The following MAGI1 variants were observed in gnomAD, a reference collection of about 807,000 sequenced individuals.
The protein encoded by MAGI1 is membrane-associated guanylate kinase, WW and PDZ domain-containing protein 1.
MAGI1 carries 58 observed loss-of-function variants against 139.9 expected under a neutral mutation model. That is an observed-to-expected ratio of 0.41 (90% CI 0.34 to 0.52). The LOEUF is 0.52. MAGI1 is among the 20% of genes least tolerant of loss of function. The pLI, the probability that MAGI1 is intolerant of heterozygous loss-of-function variation, is 0.12. For synonymous variants in MAGI1, 812 were observed against 737.9 expected, an observed-to-expected ratio of 1.10 and a Z score of -1.63; for missense variants, 1,874 against 1,901.6, an observed-to-expected ratio of 0.99 and a Z score of 0.27.
At chr3:65,815,552 C>A (rs1164014635) in intron 1 of MAGI1, among the ~76,000 whole-genome samples, 3 of 152,096 alleles carry the variant, frequency 2.0e-5, no homozygotes, top group African/African-American at 7.2e-5. Context: ...AGTTCCCTAA[C>A]AGGCAGAGCA....
At chr3:65,476,777 AT>A (rs1950915566) in intron 4 of MAGI1, among the ~76,000 whole-genome samples, 1 of 102,290 alleles carries the variant, frequency 9.8e-6, no homozygotes, top group African/African-American at 2.8e-5. Context: ...GCATTAAAGT[AT>A]GAGATTTTTT....
At chr3:65,418,768 C>A (rs541037925) in intron 12 of MAGI1, among the ~76,000 whole-genome samples, 1 of 152,168 alleles carries the variant, frequency 6.6e-6, no homozygotes, top group East Asian at 1.9e-4. Context: ...CAGATCTTCT[C>A]GAACAGCTTA....
At chr3:65,925,812 T>C (rs763290070) in intron 1 of MAGI1, among the ~76,000 whole-genome samples, 29 of 152,286 alleles carry the variant, frequency 1.9e-4, no homozygotes, top group Admixed American at 3.9e-4. Flanking sequence ...CCTGAGTAGC[T>C]AGGACTACAG....
chr3:65,615,356 C>T (rs930229383), intron 2 of MAGI1, among the ~76,000 whole-genome samples: 5 of 152,170 alleles, frequency 3.3e-5, no homozygotes, highest in East Asian at 1.9e-4. Flanking sequence ...AGTGAATGCA[C>T]GCTTCCCTGG....
Position 65,453,274 on chromosome 3 carries a change from T to A in MAGI1, c.1026A>T (p.Glu342Asp), listed in dbSNP as rs201638232. 1.9e-6 allele frequency: 3 copies of A among 1,613,802 alleles called. No individual in the cohort carries two copies. The East Asian group carries it at 6.7e-5, about 36-fold the overall frequency. The change falls in exon 6 of 23, where the codon GAA (glutamate) becomes GAT (aspartate). Residue 342 changes from glutamate to aspartate, a missense_variant. Coordinates refer to ENST00000402939, the MANE Select transcript of MAGI1 (RefSeq NM_001033057.2). ...GCCCCTTACCATCATCTTCACACTCTTCCAGTGGCTTCTGCTGCTTGTTTA... is the reference window on the plus strand; with the variant it reads ...GCCCCTTACCATCATCTTCACACTCATCCAGTGGCTTCTGCTGCTTGTTTA... ...RCLNKQQKPLEECEDDEGVHT... is the reference protein window; with the variant it reads ...RCLNKQQKPLDECEDDEGVHT...
At chr3:65,491,699 C>T (rs1304781147) in intron 3 of MAGI1, among the ~76,000 whole-genome samples, 2 of 151,410 alleles carry the variant, frequency 1.3e-5, no homozygotes, top group Admixed American at 1.3e-4. Flanking sequence ...CGCAGCCCCC[C>T]TCCCTTCCCT....
intron 2 of MAGI1, among the ~76,000 whole-genome samples, chr3:65,579,615 G>A (rs555714036): frequency 6.6e-6 from 1 of 152,294 alleles, no homozygotes; most frequent in South Asian, 2.1e-4. Flanking sequence ...GGAGGCCAAG[G>A]CGGGTAGGTC....
intron 12 of MAGI1, among the ~76,000 whole-genome samples, chr3:65,412,729 T>C (rs561561479): frequency 6.6e-6 from 1 of 152,276 alleles, no homozygotes; most frequent in East Asian, 1.9e-4. Context: ...TTAACAGCTC[T>C]TGATCCTTGG....
chr3:65,815,254 C>A (rs779158914), intron 1 of MAGI1, among the ~76,000 whole-genome samples: 4 of 152,210 alleles, frequency 2.6e-5, no homozygotes, highest in Non-Finnish European at 4.4e-5. Flanking sequence ...TGTCCTAATC[C>A]AGCCTGGGGC....
chr3:65,422,021 A>G (rs1263043466), intron 12 of MAGI1, among the ~76,000 whole-genome samples: 1 of 152,208 alleles, frequency 6.6e-6, no homozygotes, highest in African/African-American at 2.4e-5. Context: ...ATAAAAACAA[A>G]AGAAAGGGTA....
intron 1 of MAGI1, among the ~76,000 whole-genome samples, chr3:65,934,788 G>A (rs1171429098): frequency 6.6e-6 from 1 of 151,234 alleles, no homozygotes; most frequent in Non-Finnish European, 1.5e-5. Context: ...TTTTTTAAGG[G>A]GAGGTTGTGG....
chr3:65,442,661 C>T (rs1397946684), intron 8 of MAGI1, 131 bp downstream of exon 8: 2 of 600,006 alleles, frequency 3.3e-6, no homozygotes, highest in Admixed American at 2.7e-5. Flanking sequence ...TATATGCATA[C>T]ATATTTTCAT....
intron 1 of MAGI1, chr3:65,954,538 T>G (rs1236269601): frequency 6.6e-6 from 1 of 152,620 alleles, no homozygotes; most frequent in Non-Finnish European, 1.5e-5. Context: ...GACCCCAGGT[T>G]TGTTGCTACA....
At chr3:65,982,857 G>T (rs1447606675) in intron 1 of MAGI1, among the ~76,000 whole-genome samples, 4 of 152,090 alleles carry the variant, frequency 2.6e-5, no homozygotes, top group South Asian at 4.1e-4. Flanking sequence ...ACAAGTCCTG[G>T]CTTACTTCAA....
chr3:65,860,364 G>C (rs1559952001), intron 1 of MAGI1, among the ~76,000 whole-genome samples: 1 of 152,114 alleles, frequency 6.6e-6, no homozygotes, highest in African/African-American at 2.4e-5. Flanking sequence ...CTGTAATTTT[G>C]TCTTTTGACA....
At chr3:65,777,949 G>A (rs1332229287) in intron 1 of MAGI1, among the ~76,000 whole-genome samples, 2 of 152,078 alleles carry the variant, frequency 1.3e-5, no homozygotes, top group East Asian at 3.9e-4. Flanking sequence ...AGAGAGTGTG[G>A]TAAATCATGA....
In MAGI1 at chr3:65,474,550, A is replaced by G. The variant is rs550124103; in HGVS notation, c.757+4042T>C. On this transcript the variant is annotated intron_variant, in intron 4 of 22. Transcript: ENST00000402939. ...GGAATACACATAAAAATCGTTTGTAAAACAGAAACGAACATGAATGACATT... is the reference window on the plus strand; with the variant it reads ...GGAATACACATAAAAATCGTTTGTAGAACAGAAACGAACATGAATGACATT... 3.0e-3 allele frequency among the ~76,000 whole-genome samples: 452 copies of G among 152,246 alleles called. 1 individual carries two copies. The highest frequency in any genetic ancestry group is 9.6e-3 in the African/African-American group (398 of 41,540).
chr3:66,032,377 A>ATTTTTTTTTTT (rs781376605), intron 1 of MAGI1, among the ~76,000 whole-genome samples: 1 of 128,712 alleles, frequency 7.8e-6, no homozygotes. Context: ...CGCCCGGCTA[A>ATTTTTTTTTTT]TTTTTTTGTT....
At chr3:65,903,426 T>C (rs551806262) in intron 1 of MAGI1, among the ~76,000 whole-genome samples, 1 of 152,204 alleles carries the variant, frequency 6.6e-6, no homozygotes, top group South Asian at 2.1e-4. Flanking sequence ...TTTCCTCATT[T>C]AAAAAACCAG....
Sources: allele counts gnomAD v4.1 joint callset (sites outside exome capture counted in the v4.1 genomes callset), GRCh38; gene constraint gnomAD v4.1.1; transcripts MANE v1.5; gene names NCBI Gene and HGNC (gene_info 2026-07-23, HGNC 2026-07-21).